HERC2: variants seen among roughly 807,000 people sequenced by gnomAD.
HERC2 encodes the protein HECT and RLD domain containing E3 ubiquitin protein ligase 2.
Under a neutral mutation model 537.7 loss-of-function variants are expected in HERC2, and 102 were observed. That is an observed-to-expected ratio of 0.19 (90% confidence interval 0.16 to 0.22). HERC2 has a LOEUF of 0.22. Ranked by LOEUF, HERC2 falls within the 10% of genes least tolerant of loss-of-function variation. The probability of loss-of-function intolerance (pLI) is 1.00; values close to 1 mark genes in which losing one functional copy is unlikely to be tolerated. For missense variants in HERC2, 4,236 were observed against 6,198.2 expected (o/e 0.68, Z 10.63); for synonymous variants, 2,224 against 2,466.2 (o/e 0.90, Z 2.91).
intron 3 of HERC2, among the ~76,000 whole-genome samples, chr15:28,295,958 C>T (rs1202926929): frequency 6.6e-6 from 1 of 151,782 alleles, no homozygotes; most frequent in Admixed American, 6.6e-5. Context: ...AAGTAGGCCA[C>T]CCCCACCCTA....
intron 4 of HERC2, among the ~76,000 whole-genome samples, chr15:28,286,925 C>T (rs1356348673): frequency 1.3e-5 from 2 of 151,964 alleles, no homozygotes; most frequent in East Asian, 1.9e-4. Context: ...TCCTTGGAAA[C>T]ATTGCAAAAA....
chr15:28,215,751 A>G lies in HERC2; in HGVS notation c.6080T>C (p.Leu2027Pro), dbSNP rs1427412421. Residue 2027 changes from leucine to proline, a missense_variant, in exon 39 of 93, where the codon CTG becomes CCG. Leu to Pro is a moderately conservative substitution (Grantham distance 98). Transcript: ENST00000261609. ...GAGAGCGATGCTCCGCACAAACCCC[A>G]GCGTGCACCAGCTCCGGTGTTGCTC... Reference protein sequence around the residue: ...YREQHRSWCTLGFVRSIALTP... With the variant: ...YREQHRSWCTPGFVRSIALTP... 3 of 1,611,972 alleles carry G rather than the reference A, an allele frequency of 1.9e-6. No individual in the cohort carries two copies. Among genetic ancestry groups the G allele is most frequent in the Non-Finnish European group, 1.7e-6 (2 of 1,179,824 alleles).
intron 44 of HERC2, among the ~76,000 whole-genome samples, chr15:28,208,588 C>A (rs1252451368): frequency 6.6e-6 from 1 of 152,174 alleles, no homozygotes; most frequent in East Asian, 1.9e-4. Flanking sequence ...CCTGGTCTCC[C>A]AGGTACTCTG....
rs1307635897 is a variant in HERC2, at chr15:28,262,947, C to T, written c.2093G>A (p.Arg698His). ...RLGHGTEEHV[R>H]YPKLLEGLQG... ...CAAGCCTTCTAAGAGTTTTGGATAA[C>T]GAACATGTTCCTCTGTTCCATGTCC... Residue 698 changes from arginine (R) to histidine (H), a missense_variant, in exon 15 of 93, where the codon CGT (arginine) becomes CAT (histidine). By Grantham distance (29) the Arg-to-His change is conservative (BLOSUM62 0). Coordinates refer to ENST00000261609, the MANE Select transcript of HERC2 (RefSeq NM_004667.6). The T allele has an allele frequency of 6.2e-7, 1 of 1,614,090 alleles. No homozygotes were observed.
At position 28,211,072 on chromosome 15, in the gene HERC2, G is replaced by A. The variant is rs1218492548; in HGVS notation, c.6999C>T (p.Leu2333=). 9.9e-6 allele frequency: 16 copies of A among 1,611,918 alleles called. No individual in the cohort carries two copies. Among genetic ancestry groups the A allele is most frequent in the Non-Finnish European group, 1.4e-5 (16 of 1,179,770 alleles). ...TCTGCCGCAGTTTATCCTGGTGGGA[G>A]AGCAGCGCCCGACCTGCTTTCAGGA... is the stretch of plus-strand genomic sequence containing the variant. ...LYILKAGRAL[L]SHQDKLRQIL... is the part of the protein sequence containing the mutation. Residue 2333 remains leucine, a synonymous_variant, in exon 44 of 93, where the codon CTC becomes CTT. Transcript: ENST00000261609.
chr15:28,176,304 G>T lies in HERC2; in HGVS notation c.9686+124C>A. The T allele has an allele frequency of 1.3e-6, 1 of 757,448 alleles. No homozygotes were observed. Among genetic ancestry groups the T allele is most frequent in the Non-Finnish European group, 2.2e-6 (1 of 458,072 alleles). The allele number at this position is 757,448 out of a possible 1,614,324, so 46.9% of individuals were successfully genotyped here. On this transcript the variant is annotated intron_variant, in intron 63 of 92. Coordinates refer to ENST00000261609, the MANE Select transcript of HERC2 (RefSeq NM_004667.6). The surrounding 1 kb of genome is among the most constrained non-coding windows in gnomAD (Gnocchi z 5.0). ...AACTCAATATCCTTTAAAGGACAAAGATGCATGCATAAGTAAAAAGAGGAC... is the reference window on the plus strand; with the variant it reads ...AACTCAATATCCTTTAAAGGACAAATATGCATGCATAAGTAAAAAGAGGAC...
At chr15:28,243,641 C>T (rs192314563) in intron 23 of HERC2, among the ~76,000 whole-genome samples, 170 of 152,282 alleles carry the variant, frequency 1.1e-3, no homozygotes, top group African/African-American at 3.7e-3. Flanking sequence ...TCAAACCTCA[C>T]TAATAATCTA....
At chr15:28,179,651 G>A (rs960203014) in intron 57 of HERC2, among the ~76,000 whole-genome samples, 3 of 152,146 alleles carry the variant, frequency 2.0e-5, no homozygotes, top group South Asian at 2.1e-4. Context: ...AAAAGCCTGC[G>A]GCTGGTGCTT....
chr15:28,190,018 T>C (rs1299211913), intron 55 of HERC2, among the ~76,000 whole-genome samples: 1 of 150,480 alleles, frequency 6.6e-6, no homozygotes, highest in East Asian at 1.9e-4. Flanking sequence ...TTTCTTTTTT[T>C]TTTTTTTGAG....
At chr15:28,282,072 A>G (rs894368447) in intron 4 of HERC2, among the ~76,000 whole-genome samples, 4 of 152,046 alleles carry the variant, frequency 2.6e-5, no homozygotes, top group African/African-American at 9.7e-5. Context: ...TACACAAACC[A>G]TGGACACCAC....
At chr15:28,119,399 C>CAAAAAAAAAAAAAAAAA (rs201078187) in intron 86 of HERC2, among the ~76,000 whole-genome samples, 1 of 133,928 alleles carries the variant, frequency 7.5e-6, no homozygotes, top group African/African-American at 3.5e-5. Flanking sequence ...GACTCCCTCT[C>CAAAAAAAAAAAAAAAAA]AAAAAAAAAA....
At chr15:28,278,618 CAAAA>C (rs1266736527) in intron 5 of HERC2, among the ~76,000 whole-genome samples, 1 of 151,758 alleles carries the variant, frequency 6.6e-6, no homozygotes, top group Non-Finnish European at 1.5e-5. Context: ...CATAAGGAAA[CAAAA>C]AAGGAAAACA....
intron 4 of HERC2, among the ~76,000 whole-genome samples, chr15:28,289,931 TACACACCTAAGTGAGAGGACC>T (rs2076267609): frequency 6.6e-6 from 1 of 151,574 alleles, no homozygotes; most frequent in Non-Finnish European, 1.5e-5. Context: ...GTGAGAGGAT[TACACACCTAAGTGAGAGGACC>T]ACACACCTCA....
chr15:28,112,096 G>C, intron 92 of HERC2, 61 bp from the exon 93 acceptor site: 2 of 1,511,908 alleles, frequency 1.3e-6, no homozygotes, highest in Non-Finnish European at 1.8e-6. Context: ...ACTTTACTGT[G>C]CTCATTAGAC....
intron 6 of HERC2, 45 bp downstream of exon 6, chr15:28,274,860 G>T: frequency 7.0e-7 from 1 of 1,431,512 alleles, no homozygotes. Flanking sequence ...CCAGTCTGTT[G>T]ATGTATTAGG....
At chr15:28,222,536 T>C (rs1900633762) in intron 35 of HERC2, among the ~76,000 whole-genome samples, 1 of 152,168 alleles carries the variant, frequency 6.6e-6, no homozygotes, top group Non-Finnish European at 1.5e-5. Context: ...TATTTTTTAT[T>C]AATAGAAAAA....
At chr15:28,132,292 G>A in intron 80 of HERC2, 31 bp from the exon 81 acceptor site, 2 of 1,578,582 alleles carry the variant, frequency 1.3e-6, no homozygotes, top group Non-Finnish European at 1.7e-6. Context: ...GGTTGGCCAA[G>A]CACAACACAA....
rs758284896 is a variant in HERC2, at chr15:28,168,506, G to A, written c.10314C>T (p.Asp3438=). The A allele has an allele frequency of 1.7e-5, 27 of 1,614,164 alleles. No individual in the cohort carries two copies. Among genetic ancestry groups the A allele is most frequent in the South Asian group, 2.2e-5 (2 of 91,082 alleles). Residue 3438 remains aspartate (D), a synonymous_variant, in exon 67 of 93, where the codon GAC becomes GAT. Coordinates refer to ENST00000261609, the MANE Select transcript of HERC2 (RefSeq NM_004667.6). ...TCATGGGACTAGCCATCGCAGATGC[G>A]TCGGAAGGGGCCGCCGAGGAGAACG... ...CPSFSSAAPS[D]ASAMASPMNG...
At chr15:28,123,167 G>A (rs1005490299) in intron 85 of HERC2, among the ~76,000 whole-genome samples, 2 of 152,120 alleles carry the variant, frequency 1.3e-5, no homozygotes, top group Admixed American at 6.5e-5. Flanking sequence ...AAAGTAAAAT[G>A]AATGTACCAG....
Sources: allele counts gnomAD v4.1 joint callset (sites outside exome capture counted in the v4.1 genomes callset), GRCh38; gene constraint gnomAD v4.1.1; non-coding constraint Gnocchi (gnomAD v3.1); transcripts MANE v1.5; gene names NCBI Gene and HGNC (gene_info 2026-07-23, HGNC 2026-07-21).